The following SEC23A variants were observed in gnomAD, a reference collection of about 807,000 sequenced individuals.
The protein encoded by SEC23A is protein transport protein Sec23A.
A neutral mutation model predicts 103.7 loss-of-function variants in SEC23A; 56 were observed. That is an observed-to-expected ratio of 0.54 (90% CI 0.44 to 0.67). The LOEUF is 0.67. Ranked by LOEUF, SEC23A falls within the 30% of genes least tolerant of loss-of-function variation. The pLI, the probability that SEC23A is intolerant of heterozygous loss-of-function variation, is 0.00. For synonymous variants in SEC23A, 281 were observed against 293.0 expected (o/e 0.96, Z 0.42); for missense variants, 784 against 936.4 (o/e 0.84, Z 2.12).
chr14:39,059,079 T>C (rs1441096340), intron 13 of SEC23A, among the ~76,000 whole-genome samples: 1 of 152,030 alleles, frequency 6.6e-6, no homozygotes, highest in Admixed American at 6.5e-5. Flanking sequence ...CTTCTTGACA[T>C]TGTAAAAATC....
At chr14:39,054,922 T>C (rs1886190024) in intron 14 of SEC23A, among the ~76,000 whole-genome samples, 1 of 152,214 alleles carries the variant, frequency 6.6e-6, no homozygotes, top group African/African-American at 2.4e-5. Context: ...TACATAATTG[T>C]CACTCTTACA....
intron 15 of SEC23A, among the ~76,000 whole-genome samples, chr14:39,048,209 A>G (rs911576251): frequency 6.6e-6 from 1 of 152,218 alleles, no homozygotes; most frequent in South Asian, 2.1e-4. Flanking sequence ...TCGTAGCACA[A>G]TATTAATTTC....
intron 19 of SEC23A, among the ~76,000 whole-genome samples, chr14:39,038,784 TC>T (rs766766109): frequency 1.1e-4 from 17 of 152,236 alleles, no homozygotes; most frequent in Admixed American, 5.9e-4. Context: ...AGTCACCACT[TC>T]CTGTCTTACA....
At chr14:39,096,943 A>T (rs1367245196) in intron 1 of SEC23A, among the ~76,000 whole-genome samples, 2 of 152,212 alleles carry the variant, frequency 1.3e-5, no homozygotes, top group African/African-American at 4.8e-5. Flanking sequence ...TGCTTTGGAC[A>T]GGTAATTTTC....
chr14:39,077,227 CAAAAAAAA>C (rs57549556), intron 7 of SEC23A, among the ~76,000 whole-genome samples: 848 of 36,430 alleles, frequency 0.023, 13 homozygotes, highest in African/African-American at 0.1. Context: ...GACTCCATCT[CAAAAAAAA>C]AAAAAAAAAA....
intron 5 of SEC23A, among the ~76,000 whole-genome samples, chr14:39,090,500 G>A (rs1202409812): frequency 6.6e-6 from 1 of 152,048 alleles, no homozygotes; most frequent in Non-Finnish European, 1.5e-5. Context: ...TTGTCCCAGT[G>A]ATAAAAACCA....
chr14:39,057,139 C>T (rs1181598517), intron 13 of SEC23A, among the ~76,000 whole-genome samples: 1 of 152,028 alleles, frequency 6.6e-6, no homozygotes. Context: ...CATGGTGAAA[C>T]TCTGTCTCTA....
intron 14 of SEC23A, among the ~76,000 whole-genome samples, chr14:39,053,039 G>A (rs576944934): frequency 1.3e-5 from 2 of 152,302 alleles, no homozygotes; most frequent in South Asian, 2.1e-4. Context: ...AGAGGCGGAG[G>A]CAGGAGAATC....
chr14:39,057,892 A>G (rs1886302288), intron 13 of SEC23A, among the ~76,000 whole-genome samples: 1 of 152,258 alleles, frequency 6.6e-6, no homozygotes, highest in Non-Finnish European at 1.5e-5. Flanking sequence ...TTCAATCATT[A>G]GTGATAAAAA....
At chr14:39,040,411 G>C (rs1290009238) in intron 18 of SEC23A, 2 of 300,436 alleles carry the variant, frequency 6.7e-6, no homozygotes, top group Non-Finnish European at 6.3e-6. Flanking sequence ...TTTAAGAAAA[G>C]TATATTACTT....
rs1166770346 is a variant in SEC23A, at chr14:39,058,558, T to C, written c.1505+3207A>G. Among the ~76,000 whole-genome samples, 4 of 152,118 alleles carry C rather than the reference T, an allele frequency of 2.6e-5. No individual in the cohort carries two copies. In the East Asian group the frequency reaches 5.8e-4, roughly 22 times the overall value. On this transcript the variant is annotated intron_variant, in intron 13 of 19. Transcript: ENST00000307712. ...TCCTGACCTCATGATCCACCCGCCTTGGCCTCCCAAAGTGCTGGGATTACA... is the reference window on the plus strand; with the variant it reads ...TCCTGACCTCATGATCCACCCGCCTCGGCCTCCCAAAGTGCTGGGATTACA...
rs557399121 is a variant in SEC23A, at chr14:39,032,012, T to C, written c.*1227A>G. 18 of 152,770 alleles carry C rather than the reference T, an allele frequency of 1.2e-4. No homozygotes were observed. Among genetic ancestry groups the C allele is most frequent in the African/African-American group, 4.3e-4 (18 of 41,594 alleles). 9.5% of individuals were successfully genotyped at this position (152,770 alleles called of 1,614,324 possible). ...GCAACTTATTTAAGCTAATTGAATA[T>C]AACACATAAACAATTTTTTCTTAAG... On this transcript the variant is annotated 3_prime_UTR_variant, in exon 20 of 20. Coordinates refer to ENST00000307712, the MANE Select transcript of SEC23A (RefSeq NM_006364.4).
chr14:39,097,932 C>A (rs1439380742), intron 1 of SEC23A, among the ~76,000 whole-genome samples: 4 of 151,546 alleles, frequency 2.6e-5, no homozygotes, highest in East Asian at 1.9e-4. Flanking sequence ...TAAAAACACA[C>A]AAAAAAATTA....
intron 2 of SEC23A, among the ~76,000 whole-genome samples, chr14:39,094,442 A>ATT (rs55763808): frequency 3.1e-4 from 3 of 9,648 alleles, no homozygotes; most frequent in East Asian, 3.3e-3. Context: ...ATATATATAT[A>ATT]TTTTTTTTTT....
At chr14:39,065,183 C>T (rs1448343932) in intron 10 of SEC23A, among the ~76,000 whole-genome samples, 190 bp from the exon 11 acceptor site, 1 of 152,182 alleles carries the variant, frequency 6.6e-6, no homozygotes, top group Admixed American at 6.5e-5. Context: ...CTGGCACCAA[C>T]CTAATGTTAA....
At chr14:39,072,540 C>T (rs1379373759) in intron 9 of SEC23A, among the ~76,000 whole-genome samples, 2 of 151,662 alleles carry the variant, frequency 1.3e-5, no homozygotes, top group Non-Finnish European at 2.9e-5. Context: ...AAGCTGGGCA[C>T]GGTGGCTCAC....
chr14:39,047,324 T>A (rs1027059866), intron 15 of SEC23A: 1 of 1,091,926 alleles, frequency 9.2e-7, no homozygotes, highest in African/African-American at 1.6e-5. Flanking sequence ...ACTTTCCTAT[T>A]AGTTTCTGCT....
intron 7 of SEC23A, among the ~76,000 whole-genome samples, chr14:39,078,831 A>T (rs1023110653): frequency 9.2e-5 from 14 of 152,132 alleles, no homozygotes; most frequent in Admixed American, 2.6e-4. Context: ...AAATAAATAT[A>T]TAAAGAGATA....
intron 16 of SEC23A, among the ~76,000 whole-genome samples, chr14:39,043,316 T>C (rs1271387722): frequency 1.3e-5 from 2 of 152,186 alleles, no homozygotes; most frequent in Non-Finnish European, 2.9e-5. Context: ...ATTTATATTT[T>C]ATTACCTAAA....
Sources: gnomAD v4.1 joint callset for allele counts (sites outside exome capture counted in the v4.1 genomes callset) on GRCh38, gnomAD v4.1.1 for gene constraint, MANE v1.5 for transcripts, NCBI Gene and HGNC (gene_info 2026-07-23, HGNC 2026-07-21) for gene names.